MACROH2A1: variants seen among roughly 807,000 people sequenced by gnomAD.
The protein encoded by MACROH2A1 is core histone macro-H2A.1.
Under a neutral mutation model 31.6 loss-of-function variants are expected in MACROH2A1, and 2 were observed. That is an observed-to-expected ratio of 0.06 (90% CI 0.03 to 0.20). MACROH2A1 has a LOEUF of 0.20. MACROH2A1 is among the 10% of genes least tolerant of loss of function. The pLI, the probability that MACROH2A1 is intolerant of heterozygous loss-of-function variation, is 1.00. For missense variants in MACROH2A1, 230 were observed against 474.0 expected (o/e 0.49, Z 4.78); for synonymous variants, 169 against 189.6 (o/e 0.89, Z 0.89).
At chr5:135,367,307 T>C (rs1318124094) in intron 4 of MACROH2A1, among the ~76,000 whole-genome samples, 1 of 152,190 alleles carries the variant, frequency 6.6e-6, no homozygotes, top group African/African-American at 2.4e-5. Context: ...AGCCAAATAC[T>C]GGTACAGTAA....
intron 2 of MACROH2A1, among the ~76,000 whole-genome samples, chr5:135,382,761 C>G (rs1765820610): frequency 6.6e-6 from 1 of 152,230 alleles, no homozygotes; most frequent in Admixed American, 6.5e-5. Flanking sequence ...GGTCTTTCCC[C>G]TCTCAGATCC....
chr5:135,352,912 A>T, intron 6 of MACROH2A1, 34 bp downstream of exon 6: 2 of 1,095,726 alleles, frequency 1.8e-6, no homozygotes, highest in South Asian at 1.2e-5. Flanking sequence ...TTTTCATCTG[A>T]CAGCTGGTGG....
intron 2 of MACROH2A1, among the ~76,000 whole-genome samples, chr5:135,380,386 A>T (rs1765502384): frequency 6.6e-6 from 1 of 152,230 alleles, no homozygotes; most frequent in African/African-American, 2.4e-5. Flanking sequence ...TTAATCAATC[A>T]TTCCAAACGA....
chr5:135,372,274 T>G (rs922033028), intron 2 of MACROH2A1, among the ~76,000 whole-genome samples: 2 of 152,230 alleles, frequency 1.3e-5, no homozygotes, highest in African/African-American at 4.8e-5. Flanking sequence ...GTCCCTTACC[T>G]GGGCTTTATA....
At chr5:135,399,319 C>A, upstream of MACROH2A1, 1 of 152,168 alleles carries the variant, frequency 6.6e-6, no homozygotes, top group South Asian at 2.0e-4. The surrounding 1 kb of genome is among the most constrained non-coding windows in gnomAD (Gnocchi z 4.5). Flanking sequence ...CCTCCGCGCC[C>A]GTGCCGCCCG....
chr5:135,399,248 C>T (rs1027279696), upstream of MACROH2A1: 1 of 151,778 alleles, frequency 6.6e-6, no homozygotes, highest in African/African-American at 2.4e-5. This position sits in a 1 kb window ranked among gnomAD's most constrained non-coding sequence, Gnocchi z 4.5. Flanking sequence ...TCCTCGCGGC[C>T]GGCTTCCCAC....
At chr5:135,390,064 T>G (rs951160157) in intron 1 of MACROH2A1, among the ~76,000 whole-genome samples, 3 of 152,256 alleles carry the variant, frequency 2.0e-5, no homozygotes, top group Non-Finnish European at 4.4e-5. Flanking sequence ...AGCTTTGCCT[T>G]GGGCCACCTG....
At chr5:135,393,123 C>T (rs184640226) in intron 1 of MACROH2A1, among the ~76,000 whole-genome samples, 2 of 152,192 alleles carry the variant, frequency 1.3e-5, no homozygotes, top group African/African-American at 2.4e-5. Flanking sequence ...CCATGATTGG[C>T]TGGTGTTTCT....
chr5:135,375,619 A>G (rs3756365), intron 2 of MACROH2A1, among the ~76,000 whole-genome samples: 29,559 of 152,128 alleles, frequency 0.19, 6,398 homozygotes, highest in African/African-American at 0.54. Flanking sequence ...TCTAAACACA[A>G]CCCTTGCAAT....
chr5:135,338,519 T>G (rs1759197061), intron 8 of MACROH2A1, among the ~76,000 whole-genome samples: 1 of 152,210 alleles, frequency 6.6e-6, no homozygotes, highest in South Asian at 2.1e-4. Context: ...TAACTGCTGT[T>G]GTCGTTGCAG....
At chr5:135,383,193 T>C (rs1389276615) in intron 2 of MACROH2A1, among the ~76,000 whole-genome samples, 1 of 152,238 alleles carries the variant, frequency 6.6e-6, no homozygotes, top group Admixed American at 6.5e-5. Context: ...CATGGAATCA[T>C]CTATTCCCCA....
chr5:135,372,867 C>G (rs113512766), intron 2 of MACROH2A1, among the ~76,000 whole-genome samples: 1 of 152,230 alleles, frequency 6.6e-6, no homozygotes, highest in Admixed American at 6.5e-5. Context: ...GCTTCCCCTC[C>G]CTTCCACAAC....
At chr5:135,355,117 C>G (rs1472187011) in intron 5 of MACROH2A1, 1 of 456,088 alleles carries the variant, frequency 2.2e-6, no homozygotes, top group Non-Finnish European at 4.4e-6. Context: ...TCTGCTTCAG[C>G]TAGCCAGGAA....
intron 2 of MACROH2A1, 55 bp downstream of exon 2, chr5:135,388,867 T>G: frequency 3.6e-5 from 51 of 1,410,458 alleles, no homozygotes; most frequent in Non-Finnish European, 4.6e-5. Flanking sequence ...TGGAGAACTA[T>G]GAGAACTTCT....
intron 2 of MACROH2A1, among the ~76,000 whole-genome samples, chr5:135,382,852 T>C (rs1765838712): frequency 6.6e-6 from 1 of 152,192 alleles, no homozygotes; most frequent in African/African-American, 2.4e-5. Flanking sequence ...CCAGATCATG[T>C]TTACGCTCTC....
rs1762364460 is a variant in MACROH2A1 at position 135,357,856 on chromosome 5, AG to A, written c.588+2640del. On this transcript the variant is annotated intron_variant, in intron 5 of 8. Coordinates refer to ENST00000511689, the MANE Select transcript of MACROH2A1 (RefSeq NM_138610.3). ...AAATACATCATTAACATCAATGGTCAGGCTCCTAAGCCTGGGCCATGCTTCC... is the reference window on the plus strand; with the variant it reads ...AAATACATCATTAACATCAATGGTCAGCTCCTAAGCCTGGGCCATGCTTCC... 7 of 985,290 alleles carry A rather than the reference AG, an allele frequency of 7.1e-6. No homozygotes were observed. In the African/African-American group the frequency reaches 1.2e-4, roughly 17 times the overall value. 61.0% of individuals were successfully genotyped at this position (985,290 alleles called of 1,614,324 possible).
intron 2 of MACROH2A1, among the ~76,000 whole-genome samples, chr5:135,388,059 A>C (rs910530471): frequency 2.0e-5 from 3 of 152,066 alleles, no homozygotes; most frequent in Non-Finnish European, 4.4e-5. Context: ...AAAAAAAAAA[A>C]AAAAAACAGA....
chr5:135,358,328 A>G, intron 5 of MACROH2A1: 1 of 985,452 alleles, frequency 1.0e-6, no homozygotes, highest in South Asian at 4.7e-5. Context: ...AGGCTGACTT[A>G]AGATGCTGCT....
intron 7 of MACROH2A1, chr5:135,343,671 C>T (rs866147396): frequency 5.3e-6 from 3 of 563,856 alleles, no homozygotes; most frequent in South Asian, 2.1e-5. Context: ...TGACCAAGTT[C>T]GTAGTAAGCC....
Sources: allele counts gnomAD v4.1 joint callset (sites outside exome capture counted in the v4.1 genomes callset), GRCh38; gene constraint gnomAD v4.1.1; non-coding constraint Gnocchi (gnomAD v3.1); transcripts MANE v1.5; gene names NCBI Gene and HGNC (gene_info 2026-07-23, HGNC 2026-07-21).